The following SLIT1 variants were observed in gnomAD, a reference collection of about 807,000 sequenced individuals.
SLIT1 encodes the protein slit guidance ligand 1, also known as slit homolog 1 protein.
In SLIT1, 66 loss-of-function variants were observed where a neutral mutation model predicts 186.1. That is an observed-to-expected ratio of 0.35 (90% CI 0.29 to 0.44). The LOEUF (loss-of-function observed/expected upper bound fraction) is 0.44, where lower values mean the gene tolerates loss of function less well. Ranked by LOEUF, SLIT1 falls within the 20% of genes least tolerant of loss-of-function variation. The probability of loss-of-function intolerance (pLI) is 1.00; values close to 1 mark genes in which losing one functional copy is unlikely to be tolerated. For missense variants in SLIT1, 1,638 were observed against 2,037.4 expected, an observed-to-expected ratio of 0.80 and a Z score of 3.77; for synonymous variants, 761 against 833.8, an observed-to-expected ratio of 0.91 and a Z score of 1.50.
At position 97,084,597 on chromosome 10, in the gene SLIT1, C is replaced by CTCTTT. The variant is rs67508980; in HGVS notation, c.414-18516_414-18512dup. ...TCCTTTTCTTTTATTTTCTTTTCTT[C>CTCTTT]TCTTTTCTTTTCTTTTCTTTTCTTG... On this transcript the variant is annotated intron_variant, in intron 4 of 36. Transcript: ENST00000266058. 8.1e-4 allele frequency among the ~76,000 whole-genome samples: 120 copies of CTCTTT among 147,620 alleles called. 2 individuals carry two copies. In the South Asian group the frequency reaches 0.023, roughly 28 times the overall value.
intron 4 of SLIT1, among the ~76,000 whole-genome samples, chr10:97,126,101 C>A (rs2134691080): frequency 6.6e-6 from 1 of 152,292 alleles, no homozygotes; most frequent in African/African-American, 2.4e-5. Flanking sequence ...AGGACAGAGA[C>A]TTATTTTCAT....
chr10:97,162,275 A>G (rs368250056), intron 3 of SLIT1, among the ~76,000 whole-genome samples: 4 of 152,270 alleles, frequency 2.6e-5, no homozygotes, highest in African/African-American at 9.6e-5. Context: ...TTTATTTCTT[A>G]TGTATCCACT....
chr10:97,167,985 G>GT (rs1435176352), intron 1 of SLIT1, among the ~76,000 whole-genome samples: 2 of 152,112 alleles, frequency 1.3e-5, no homozygotes, highest in Non-Finnish European at 2.9e-5. Context: ...CCAGTCTCGG[G>GT]TATGTCTTCA....
At chr10:97,082,412 C>G (rs1474940529) in intron 4 of SLIT1, among the ~76,000 whole-genome samples, 1 of 152,094 alleles carries the variant, frequency 6.6e-6, no homozygotes, top group Non-Finnish European at 1.5e-5. Context: ...ATGATCTCAT[C>G]TAATTCTTTT....
chr10:97,162,225 A>G (rs897681265), intron 3 of SLIT1, among the ~76,000 whole-genome samples: 4 of 152,216 alleles, frequency 2.6e-5, no homozygotes, highest in African/African-American at 9.6e-5. Flanking sequence ...TATTGCGAGC[A>G]CATTCCCATG....
At chr10:97,062,184 C>T (rs919553673) in intron 8 of SLIT1, among the ~76,000 whole-genome samples, 2 of 152,194 alleles carry the variant, frequency 1.3e-5, no homozygotes, top group African/African-American at 4.8e-5. Flanking sequence ...GACATGCACA[C>T]AGGTTTTCGC....
chr10:97,184,018 C>CCACA lies in SLIT1; in HGVS notation c.197+1456_197+1459dup, dbSNP rs36000443. ...ATTCACACACACACATACACATGCA[C>CCACA]CACACACACACACACACACACACAC... On this transcript the variant is annotated intron_variant, in intron 1 of 36. Transcript: ENST00000266058. The surrounding 1 kb of genome is among the most constrained non-coding windows in gnomAD (Gnocchi z 4.4). 0.21 allele frequency among the ~76,000 whole-genome samples: 29,890 copies of CCACA among 142,226 alleles called. 3,198 individuals are homozygous for CCACA. The highest frequency in any genetic ancestry group is 0.27 in the Middle Eastern group (75 of 276). 93.3% of individuals were successfully genotyped at this position (142,226 alleles called of 152,430 possible). A position where few individuals can be genotyped will look rare whatever the true frequency, so the allele number is the denominator to read the frequency against.
chr10:97,185,391 T>C (rs1850397778), intron 1 of SLIT1, 87 bp downstream of exon 1: 4 of 1,358,732 alleles, frequency 2.9e-6, no homozygotes, highest in African/African-American at 1.5e-5. Flanking sequence ...GCCCCAATGG[T>C]CCTGCCCCCA....
rs1020951057 is a variant in SLIT1, at chr10:97,175,726, C to A, written c.197+9752G>T. ...TCTGGGACCTACCCCCAAACCACAG[C>A]CCTGCAGCCAGGGCCCCACTGACAG... On this transcript the variant is annotated intron_variant, in intron 1 of 36. Transcript: ENST00000266058. Among the ~76,000 whole-genome samples, 6 of 152,242 alleles carry A rather than the reference C, an allele frequency of 3.9e-5. No homozygotes were observed. The East Asian group carries it at 1.2e-3, about 29-fold the overall frequency.
intron 4 of SLIT1, among the ~76,000 whole-genome samples, chr10:97,124,074 C>A (rs373834877): frequency 2.0e-5 from 3 of 152,152 alleles, no homozygotes. Context: ...CATTATGCAG[C>A]GGAAGCCTCG....
chr10:97,048,689 T>C (rs1258187776), intron 14 of SLIT1, among the ~76,000 whole-genome samples: 2 of 151,820 alleles, frequency 1.3e-5, no homozygotes, highest in Non-Finnish European at 2.9e-5. Context: ...CATCAGGGGG[T>C]CCCTGAGCAG....
intron 11 of SLIT1, chr10:97,057,941 C>T (rs535772467): frequency 1.3e-5 from 9 of 716,100 alleles, no homozygotes; most frequent in Non-Finnish European, 2.1e-5. Flanking sequence ...TCGGACCCCA[C>T]AAGCTACCCT....
intron 4 of SLIT1, among the ~76,000 whole-genome samples, chr10:97,093,460 A>G (rs561599791): frequency 6.6e-6 from 1 of 152,230 alleles, no homozygotes; most frequent in Non-Finnish European, 1.5e-5. Context: ...AGGCTGACTC[A>G]GTTGGGAAAG....
intron 4 of SLIT1, among the ~76,000 whole-genome samples, chr10:97,070,833 T>G (rs1207853093): frequency 6.6e-6 from 1 of 152,192 alleles, no homozygotes; most frequent in Non-Finnish European, 1.5e-5. Context: ...TGTTTTTGTT[T>G]TTTTAGAGAC....
At chr10:97,058,255 G>T (rs1020880644) in intron 11 of SLIT1, 7 of 610,354 alleles carry the variant, frequency 1.1e-5, no homozygotes, top group Non-Finnish European at 2.1e-5. Context: ...ACTGAAGCAG[G>T]GAGGCAAGGT....
chr10:97,139,905 G>A (rs1464580046), intron 4 of SLIT1, among the ~76,000 whole-genome samples: 4 of 152,250 alleles, frequency 2.6e-5, no homozygotes, highest in East Asian at 1.9e-4. Context: ...GTCCAACCAC[G>A]GGGTCTCAGC....
At chr10:97,079,021 A>G (rs1374218798) in intron 4 of SLIT1, among the ~76,000 whole-genome samples, 1 of 152,164 alleles carries the variant, frequency 6.6e-6, no homozygotes, top group Non-Finnish European at 1.5e-5. Flanking sequence ...TGTATAGAGA[A>G]AAGGACATGA....
chr10:97,024,728 A>G (rs1848530582), intron 25 of SLIT1, among the ~76,000 whole-genome samples: 1 of 152,240 alleles, frequency 6.6e-6, no homozygotes. Context: ...TAAATACACA[A>G]TGTATTTCTA....
intron 22 of SLIT1, among the ~76,000 whole-genome samples, chr10:97,035,911 C>A (rs1481803893): frequency 6.6e-6 from 1 of 152,176 alleles, no homozygotes; most frequent in Non-Finnish European, 1.5e-5. Flanking sequence ...CCAAGATGCC[C>A]TCCCCGCAAG....
Sources: allele counts gnomAD v4.1 joint callset (sites outside exome capture counted in the v4.1 genomes callset), GRCh38; gene constraint gnomAD v4.1.1; non-coding constraint Gnocchi (gnomAD v3.1); transcripts MANE v1.5; gene names NCBI Gene and HGNC (gene_info 2026-07-23, HGNC 2026-07-21).